The following SEC22A variants were observed in gnomAD, a reference collection of about 807,000 sequenced individuals.
SEC22A encodes the protein vesicle-trafficking protein SEC22a.
Under a neutral mutation model 35.3 loss-of-function variants are expected in SEC22A, and 22 were observed. That is an observed-to-expected ratio of 0.62 (90% CI 0.45 to 0.89). SEC22A has a LOEUF of 0.89. Ranked by LOEUF, SEC22A falls within the 40% of genes least tolerant of loss-of-function variation. The pLI is 0.00. For synonymous variants in SEC22A, 119 were observed against 129.5 expected, an observed-to-expected ratio of 0.92 and a Z score of 0.55; for missense variants, 354 against 362.5, an observed-to-expected ratio of 0.98 and a Z score of 0.19.
At chr3:123,255,922 C>CTTTT (rs35426251) in intron 5 of SEC22A, among the ~76,000 whole-genome samples, 1,801 of 143,750 alleles carry the variant, frequency 0.013, 35 homozygotes, top group African/African-American at 0.044. Flanking sequence ...TTTCTTCTTT[C>CTTTT]TTTTTTTTTT....
intron 6 of SEC22A, among the ~76,000 whole-genome samples, chr3:123,263,308 C>T (rs2108103788): frequency 6.6e-6 from 1 of 152,296 alleles, no homozygotes. Flanking sequence ...CTTTTCCTGG[C>T]TTGCAGAAGG....
intron 4 of SEC22A, among the ~76,000 whole-genome samples, chr3:123,244,155 G>A (rs1392154773): frequency 6.6e-6 from 1 of 152,164 alleles, no homozygotes; most frequent in Non-Finnish European, 1.5e-5. Context: ...ATTAAAATGT[G>A]ATTAAATATC....
In SEC22A at chr3:123,260,131, C is replaced by CAAAAAAAAAA. The variant is rs533386545; in HGVS notation, c.723+571_723+580dup. Among the ~76,000 whole-genome samples the CAAAAAAAAAA allele has an allele frequency of 1.5e-3, 74 of 49,782 alleles. 6 individuals carry two copies. The highest frequency in any genetic ancestry group is 2.0e-3 in the South Asian group (2 of 978). The allele number at this position is 49,782 out of a possible 152,430, so 32.7% of individuals were successfully genotyped here. A position where few individuals can be genotyped will look rare whatever the true frequency, so the allele number is the denominator to read the frequency against. On this transcript the variant is annotated intron_variant, in intron 6 of 6. Coordinates refer to ENST00000492595, the MANE Select transcript of SEC22A (RefSeq NM_012430.5). ...TGGGCAACAGAGCGAGACTACATCT[C>CAAAAAAAAAA]AAAAAAAAAAAAAAAAAAAAAAAAA...
intron 2 of SEC22A, among the ~76,000 whole-genome samples, chr3:123,212,493 T>C (rs1275531528): frequency 1.3e-5 from 2 of 152,184 alleles, no homozygotes; most frequent in African/African-American, 4.8e-5. Flanking sequence ...GGCTTGAATG[T>C]ATATTAATTC....
intron 2 of SEC22A, among the ~76,000 whole-genome samples, chr3:123,213,338 C>T (rs1309600460): frequency 6.6e-6 from 1 of 152,186 alleles, no homozygotes; most frequent in Non-Finnish European, 1.5e-5. Context: ...AATTCTCACA[C>T]CACAACTGTT....
chr3:123,209,032 A>G, intron 1 of SEC22A, 167 bp from the exon 2 acceptor site: 2 of 506,702 alleles, frequency 3.9e-6, no homozygotes, highest in Non-Finnish European at 3.6e-6. Flanking sequence ...TGATCTTGTG[A>G]TCCACCCTCC....
chr3:123,209,133 T>G (rs1385152835), intron 1 of SEC22A, 66 bp from the exon 2 acceptor site: 1 of 1,299,482 alleles, frequency 7.7e-7, no homozygotes, highest in Non-Finnish European at 1.1e-6. Flanking sequence ...AGTTGAACAT[T>G]TTTACATATG....
chr3:123,261,078 G>T (rs544153321), intron 6 of SEC22A, among the ~76,000 whole-genome samples: 1 of 151,406 alleles, frequency 6.6e-6, no homozygotes, highest in South Asian at 2.1e-4. Flanking sequence ...CTTGTGATCC[G>T]CCCACCTCGG....
chr3:123,215,279 G>A (rs746874368), intron 2 of SEC22A, among the ~76,000 whole-genome samples: 3 of 152,172 alleles, frequency 2.0e-5, no homozygotes, highest in Non-Finnish European at 4.4e-5. Flanking sequence ...CATTTCTACA[G>A]TCTCTCACCT....
intron 5 of SEC22A, among the ~76,000 whole-genome samples, chr3:123,259,061 A>G (rs1170820419): frequency 6.6e-6 from 1 of 152,172 alleles, no homozygotes; most frequent in East Asian, 1.9e-4. Flanking sequence ...CAGTTTTCAC[A>G]GTTTTTAAAA....
At chr3:123,224,007 G>A (rs1393647244) in intron 3 of SEC22A, among the ~76,000 whole-genome samples, 1 of 152,144 alleles carries the variant, frequency 6.6e-6, no homozygotes, top group Admixed American at 6.6e-5. Flanking sequence ...TTGCGTTTCT[G>A]TAATAATCTT....
intron 6 of SEC22A, 103 bp downstream of exon 6, chr3:123,259,692 T>G (rs1937833065): frequency 1.3e-6 from 1 of 792,984 alleles, no homozygotes; most frequent in South Asian, 1.7e-5. Context: ...AACTCTGAGT[T>G]CTTTGCTTCT....
intron 4 of SEC22A, among the ~76,000 whole-genome samples, chr3:123,234,837 A>G (rs1449001997): frequency 6.6e-6 from 1 of 152,022 alleles, no homozygotes; most frequent in Non-Finnish European, 1.5e-5. Context: ...AGCCTGGGCA[A>G]CATGGCGAAA....
chr3:123,203,053 C>CTTTTTTTTTTTTTTTTTTTTTTT (rs779433710), intron 1 of SEC22A, among the ~76,000 whole-genome samples: 3 of 43,822 alleles, frequency 6.8e-5, no homozygotes, highest in Non-Finnish European at 7.8e-5. Flanking sequence ...TGTTTAGTGC[C>CTTTTTTTTTTTTTTTTTTTTTTT]TTTTTTTTTT....
At chr3:123,245,267 T>C (rs1024668700) in intron 4 of SEC22A, among the ~76,000 whole-genome samples, 2 of 152,204 alleles carry the variant, frequency 1.3e-5, no homozygotes, top group Non-Finnish European at 2.9e-5. Flanking sequence ...AAAGTCACCT[T>C]TACAAATACT....
chr3:123,256,694 C>T (rs369448749), intron 5 of SEC22A, among the ~76,000 whole-genome samples: 6 of 151,906 alleles, frequency 3.9e-5, no homozygotes, highest in East Asian at 1.9e-4. Flanking sequence ...TATTGACTTA[C>T]GTATCTGCCT....
chr3:123,256,678 G>A (rs1227563946), intron 5 of SEC22A, among the ~76,000 whole-genome samples: 3 of 151,878 alleles, frequency 2.0e-5, no homozygotes, highest in African/African-American at 4.8e-5. Context: ...CACTTTGGGT[G>A]GTAATTATTG....
chr3:123,229,601 C>T (rs111748654), intron 4 of SEC22A, among the ~76,000 whole-genome samples: 7,033 of 152,274 alleles, frequency 0.046, 552 homozygotes, highest in African/African-American at 0.16. Flanking sequence ...TTGTGGCTTA[C>T]GCCTGTAATC....
chr3:123,259,921 T>C (rs956493506), intron 6 of SEC22A, among the ~76,000 whole-genome samples: 3 of 151,808 alleles, frequency 2.0e-5, no homozygotes, highest in African/African-American at 7.3e-5. Flanking sequence ...TCACTTGAGG[T>C]CAGGAGTTCA....
Sources: allele counts gnomAD v4.1 joint callset (sites outside exome capture counted in the v4.1 genomes callset), GRCh38; gene constraint gnomAD v4.1.1; transcripts MANE v1.5; gene names NCBI Gene and HGNC (gene_info 2026-07-23, HGNC 2026-07-21).